The following PRH1 variants were observed in gnomAD, a reference collection of about 807,000 sequenced individuals.
PRH1 encodes salivary acidic proline-rich phosphoprotein 1/2.
A neutral mutation model predicts 7.9 loss-of-function variants in PRH1; 7 were observed. The observed-to-expected ratio is 0.89, with a 90% confidence interval of 0.50 to 1.67. The LOEUF is 1.67. PRH1 is among the 40% of genes most tolerant of loss of function. PRH1 has a pLI of 0.00. For synonymous variants in PRH1, 45 were observed against 80.8 expected (o/e 0.56, Z 2.38); for missense variants, 109 against 223.6 (o/e 0.49, Z 3.27).
intron 2 of PRH1, among the ~76,000 whole-genome samples, chr12:10,963,096 G>A (rs774032304): frequency 6.6e-6 from 1 of 151,606 alleles, no homozygotes; most frequent in African/African-American, 2.4e-5. Flanking sequence ...TGGTGCTTAC[G>A]TTGTACCAGG....
intron 2 of PRH1, chr12:10,909,107 TA>T: frequency 6.2e-7 from 1 of 1,613,700 alleles, no homozygotes; most frequent in Non-Finnish European, 8.5e-7. Context: ...AAAACCAACT[TA>T]CTAATATTTC....
chr12:11,053,699 A>C (rs1162493760), intron 1 of PRH1, among the ~76,000 whole-genome samples: 2 of 152,286 alleles, frequency 1.3e-5, no homozygotes, highest in Non-Finnish European at 2.9e-5. Flanking sequence ...GATAATAATG[A>C]TGATGATGTC....
At chr12:11,164,904 C>T (rs1033576126) in intron 1 of PRH1, among the ~76,000 whole-genome samples, 1 of 152,112 alleles carries the variant, frequency 6.6e-6, no homozygotes, top group Non-Finnish European at 1.5e-5. Flanking sequence ...CCAAAAACAT[C>T]CTTGACATTC....
chr12:11,104,829 G>A (rs1010860887), intron 1 of PRH1, among the ~76,000 whole-genome samples: 1 of 151,672 alleles, frequency 6.6e-6, no homozygotes, highest in Non-Finnish European at 1.5e-5. Context: ...ATAATGTTGG[G>A]CTAATATATA....
rs79500954 is a variant in PRH1 at position 11,085,854 on chromosome 12, A to G, written n.124-38666T>C. On this transcript the variant is annotated intron_variant and non_coding_transcript_variant, in intron 1 of 4. Transcript: ENST00000541977. ...GTCGGTTGTTAGGGAAATTTTCCAA[A>G]CTAATACATAGATCATACATTGGAT... is the stretch of plus-strand genomic sequence containing the variant. Among the ~76,000 whole-genome samples the G allele has an allele frequency of 1.3e-4, 12 of 93,964 alleles. 2 individuals are homozygous for G. Among genetic ancestry groups the G allele is most frequent in the Admixed American group, 4.4e-4 (4 of 9,172 alleles). 61.6% of individuals were successfully genotyped at this position (93,964 alleles called of 152,430 possible).
intron 1 of PRH1, among the ~76,000 whole-genome samples, chr12:11,125,508 C>CTCTAA (rs372807053): frequency 0.11 from 15,919 of 140,022 alleles, no homozygotes; most frequent in East Asian, 0.34. Context: ...AGTTATACTA[C>CTCTAA]ATATGTTTTA....
At chr12:10,931,459 A>G (rs1328361278) in intron 2 of PRH1, among the ~76,000 whole-genome samples, 1 of 152,206 alleles carries the variant, frequency 6.6e-6, no homozygotes, top group African/African-American at 2.4e-5. Context: ...TAGCATTTCA[A>G]GTCCAGTATT....
intron 1 of PRH1, among the ~76,000 whole-genome samples, chr12:11,003,321 A>G (rs565560577): frequency 2.2e-4 from 34 of 152,018 alleles, no homozygotes; most frequent in Non-Finnish European, 3.7e-4. Context: ...GGAACCTAAC[A>G]TATGTAGGGA....
intron 1 of PRH1, chr12:10,997,668 C>T (rs778697153): frequency 6.2e-7 from 1 of 1,613,140 alleles, no homozygotes; most frequent in South Asian, 1.1e-5. Context: ...GGATTCAACA[C>T]AGTTGAATAC....
upstream of PRH1, among the ~76,000 whole-genome samples, chr12:11,049,696 A>G (rs1202380551): frequency 6.6e-6 from 1 of 152,208 alleles, no homozygotes; most frequent in Non-Finnish European, 1.5e-5. Flanking sequence ...CCCAATACAC[A>G]TATCATACAG....
At chr12:11,119,394 A>T (rs1945827497), downstream of PRH1, among the ~76,000 whole-genome samples, 1 of 152,130 alleles carries the variant, frequency 6.6e-6, no homozygotes, top group African/African-American at 2.4e-5. Flanking sequence ...ATGATAATTT[A>T]GCTGTACATT....
chr12:10,913,603 C>T (rs1432545263), intron 2 of PRH1, among the ~76,000 whole-genome samples: 1 of 152,222 alleles, frequency 6.6e-6, no homozygotes, highest in South Asian at 2.1e-4. Context: ...GCATAGAGGT[C>T]GTAAAATGGG....
chr12:10,916,215 A>T (rs969604642), intron 2 of PRH1, among the ~76,000 whole-genome samples: 1 of 152,138 alleles, frequency 6.6e-6, no homozygotes, highest in East Asian at 1.9e-4. Context: ...TAAGAACAAC[A>T]TGGGAAAGAC....
At position 10,966,045 on chromosome 12, in the gene PRH1, A is replaced by C. The variant is rs144728179; in HGVS notation, c.-59+7610T>G. Among the ~76,000 whole-genome samples, 708 of 152,290 alleles carry C rather than the reference A, an allele frequency of 4.6e-3. 6 individuals are homozygous for C. Among genetic ancestry groups the C allele is most frequent in the African/African-American group, 0.016 (682 of 41,564 alleles). Reference sequence around the variant, plus strand: ...CACACACATACACATACCCATCCAGAAAAAATGAACTTTTAAAATAATTTC... The same window carrying C: ...CACACACATACACATACCCATCCAGCAAAAATGAACTTTTAAAATAATTTC... On this transcript the variant is annotated intron_variant, in intron 2 of 3. Coordinates refer to the PRH1 transcript ENST00000539853.
At chr12:11,011,043 A>T (rs915855328) in intron 1 of PRH1, among the ~76,000 whole-genome samples, 4 of 152,016 alleles carry the variant, frequency 2.6e-5, no homozygotes, top group Non-Finnish European at 5.9e-5. Context: ...TTGTTTAACA[A>T]CTCCTAAAAG....
At chr12:10,953,985 A>G (rs1937822748) in intron 2 of PRH1, among the ~76,000 whole-genome samples, 1 of 152,190 alleles carries the variant, frequency 6.6e-6, no homozygotes, top group African/African-American at 2.4e-5. Flanking sequence ...AGAATGTCCG[A>G]CCAAGAATTT....
At chr12:11,046,032 C>T (rs2597983) in intron 1 of PRH1, among the ~76,000 whole-genome samples, 66,957 of 151,914 alleles carry the variant, frequency 0.44, 15,561 homozygotes, top group Non-Finnish European at 0.51. Flanking sequence ...GTAATATATG[C>T]GCTTGAGAAT....
At chr12:11,040,029 C>T (rs1438132446) in intron 1 of PRH1, among the ~76,000 whole-genome samples, 1 of 152,146 alleles carries the variant, frequency 6.6e-6, no homozygotes, top group African/African-American at 2.4e-5. Flanking sequence ...CTCTAGAGCC[C>T]AGTTAATACT....
In PRH1 at chr12:10,889,382, A is replaced by G. The variant is rs931517086; in HGVS notation, c.-58-5107T>C. ...CTGGTTTCTGGTGATAATAACCACT[A>G]TTATTTATATTGCATTTTCCCTATA... On this transcript the variant is annotated intron_variant, in intron 2 of 3. Transcript: ENST00000539853. Among the ~76,000 whole-genome samples the G allele has an allele frequency of 3.3e-5, 5 of 152,110 alleles. No individual in the cohort carries two copies. In the South Asian group the frequency reaches 6.2e-4, roughly 19 times the overall value.
Sources: allele counts gnomAD v4.1 joint callset (sites outside exome capture counted in the v4.1 genomes callset), GRCh38; gene constraint gnomAD v4.1.1; transcripts MANE v1.5; gene names NCBI Gene and HGNC (gene_info 2026-07-23, HGNC 2026-07-21).